Variants in KDM4C observed in about 807,000 individuals in gnomAD.
KDM4C encodes the protein lysine demethylase 4C.
KDM4C carries 81 observed loss-of-function variants against 129.3 expected under a neutral mutation model. The ratio of observed to expected loss-of-function variants is 0.63; its 90% CI spans 0.52 to 0.75. KDM4C has a LOEUF of 0.75. Ranked by LOEUF, KDM4C falls within the 30% of genes least tolerant of loss-of-function variation. The probability of loss-of-function intolerance (pLI) is 0.00; values close to 1 mark genes in which losing one functional copy is unlikely to be tolerated. For missense variants in KDM4C, 1,457 were observed against 1,304.0 expected (o/e 1.12, Z -1.81); for synonymous variants, 573 against 456.1 (o/e 1.26, Z -3.26).
At chr9:6,757,532 C>G (rs1267900835), upstream of KDM4C, 2 of 703,372 alleles carry the variant, frequency 2.8e-6, no homozygotes, top group Non-Finnish European at 1.7e-6. Context: ...GGGAACACAG[C>G]GCTGTCATCG....
upstream of KDM4C, among the ~76,000 whole-genome samples, chr9:6,757,039 T>G (rs1818343757): frequency 6.6e-6 from 1 of 151,982 alleles, no homozygotes; most frequent in Admixed American, 6.6e-5. Flanking sequence ...TGTAGGAAGT[T>G]TAAAAAAAAA....
chr9:6,833,784 A>C (rs944924585), intron 4 of KDM4C, among the ~76,000 whole-genome samples: 1 of 152,220 alleles, frequency 6.6e-6, no homozygotes, highest in Non-Finnish European at 1.5e-5. Flanking sequence ...ATAGTTATTC[A>C]CTAGCTGATT....
intron 1 of KDM4C, among the ~76,000 whole-genome samples, chr9:6,773,871 G>A (rs1165606547): frequency 6.6e-6 from 1 of 151,750 alleles, no homozygotes; most frequent in Non-Finnish European, 1.5e-5. Flanking sequence ...CCATTTTAAG[G>A]GCTTGGATAC....
At chr9:6,965,820 C>G (rs772994781) in intron 8 of KDM4C, among the ~76,000 whole-genome samples, 2 of 152,134 alleles carry the variant, frequency 1.3e-5, no homozygotes, top group Non-Finnish European at 1.5e-5. Context: ...TCACAGTAAT[C>G]GGATTATCCA....
At chr9:6,944,655 T>TTTTG (rs1197101014) in intron 8 of KDM4C, among the ~76,000 whole-genome samples, 6 of 139,278 alleles carry the variant, frequency 4.3e-5, no homozygotes, top group East Asian at 2.1e-4. Flanking sequence ...GGTAGAGGTT[T>TTTTG]TTTTTTTTTT....
chr9:7,061,849 AC>A (rs1364727019), intron 17 of KDM4C, among the ~76,000 whole-genome samples: 1 of 152,164 alleles, frequency 6.6e-6, no homozygotes, highest in African/African-American at 2.4e-5. Context: ...TGGGAAACTA[AC>A]CTCTTGTTCA....
rs750867950 is a variant in KDM4C at position 6,849,560 on chromosome 9, A to G, written c.489A>G (p.Glu163=). The G allele has an allele frequency of 1.2e-6, 2 of 1,613,588 alleles. No individual in the cohort carries two copies. The highest frequency in any genetic ancestry group is 2.2e-5 in the South Asian group (2 of 91,036). The part of the protein sequence containing the change: ...ARLNTVLDVV[E]EECGISIEGV... ...TCAATACAGTCTTGGATGTGGTTGA[A>G]GAAGAGTGTGGCATTTCTATTGAGG... Residue 163 remains glutamate (E), a synonymous_variant, in exon 5 of 22, where the codon GAA becomes GAG. Transcript: ENST00000381309.
intron 9 of KDM4C, 139 bp from the exon 10 acceptor site, chr9:6,984,027 T>G (rs1817241067): frequency 1.7e-6 from 1 of 583,126 alleles, no homozygotes; most frequent in Non-Finnish European, 3.1e-6. Flanking sequence ...CATTCAGTTG[T>G]GAACATTGAC....
chr9:7,110,878 G>A (rs925417485), intron 18 of KDM4C, among the ~76,000 whole-genome samples: 4 of 152,102 alleles, frequency 2.6e-5, no homozygotes, highest in African/African-American at 9.7e-5. Context: ...CAACTATACT[G>A]CTTGCTTTCC....
At chr9:7,016,184 G>T (rs550016115) in intron 15 of KDM4C, among the ~76,000 whole-genome samples, 3 of 151,118 alleles carry the variant, frequency 2.0e-5, no homozygotes, top group African/African-American at 7.3e-5. Context: ...CTAGAGTGCA[G>T]TGGCAAGATC....
rs539447291 is a variant in KDM4C at position 6,990,310 on chromosome 9, A to G, written c.1678-106A>G. On this transcript the variant is annotated intron_variant, in intron 11 of 21. Coordinates refer to ENST00000381309, the MANE Select transcript of KDM4C (RefSeq NM_015061.6). The stretch of plus-strand genomic sequence containing the variant: ...TCCCCAAGAGGTAAACAACCACAAG[A>G]TTTCTTCAACATTAAGTGATAAATA... 2.5e-5 allele frequency: 19 copies of G among 765,798 alleles called. No individual in the cohort carries two copies. In the South Asian group the frequency reaches 2.8e-4, roughly 11 times the overall value. The allele number at this position is 765,798 out of a possible 1,614,324, so 47.4% of individuals were successfully genotyped here. A position where few individuals can be genotyped will look rare whatever the true frequency, so the allele number is the denominator to read the frequency against.
rs1588030649 is a variant in KDM4C at position 6,726,521 on chromosome 9, C to G, written c.49+5524C>G. 1.3e-5 allele frequency: 2 copies of G among 152,298 alleles called. 1 individual carries two copies. Among genetic ancestry groups the G allele is most frequent in the East Asian group, 3.8e-4 (2 of 5,200 alleles). The allele number at this position is 152,298 out of a possible 1,614,324, so 9.4% of individuals were successfully genotyped here. A position where few individuals can be genotyped will look rare whatever the true frequency, so the allele number is the denominator to read the frequency against. ...TTACCAGGGAATGAATGCTTCAAGA[C>G]CACAGTGCTCTCCTGCCTTGGAAAC... On this transcript the variant is annotated intron_variant, in intron 1 of 17. Transcript: ENST00000536108.
intron 8 of KDM4C, among the ~76,000 whole-genome samples, chr9:6,936,067 T>C (rs937597695): frequency 5.9e-5 from 9 of 152,212 alleles, no homozygotes; most frequent in Non-Finnish European, 1.2e-4. Flanking sequence ...GTAACTTATT[T>C]GGCTTTCAAA....
At chr9:6,736,390 T>A (rs1244613675) in intron 1 of KDM4C, among the ~76,000 whole-genome samples, 6 of 152,078 alleles carry the variant, frequency 3.9e-5, no homozygotes, top group Non-Finnish European at 7.4e-5. Flanking sequence ...CCATCACAGG[T>A]CCAGAGGCCT....
chr9:6,790,454 G>A (rs1826336797), intron 1 of KDM4C, among the ~76,000 whole-genome samples: 2 of 148,496 alleles, frequency 1.3e-5, no homozygotes, highest in Admixed American at 6.7e-5. Flanking sequence ...GGGTTTCACC[G>A]TGTTAGCCAG....
At chr9:6,798,127 G>T (rs1256062204) in intron 2 of KDM4C, among the ~76,000 whole-genome samples, 2 of 152,132 alleles carry the variant, frequency 1.3e-5, no homozygotes, top group Non-Finnish European at 2.9e-5. Flanking sequence ...TAATTTAAAT[G>T]AACTTGTACA....
intron 8 of KDM4C, among the ~76,000 whole-genome samples, chr9:6,921,429 G>A (rs1821483821): frequency 6.6e-6 from 1 of 152,118 alleles, no homozygotes. Context: ...TTCTCCAGTT[G>A]CTCAGGCCAA....
chr9:7,098,730 CT>C (rs1284937862), intron 17 of KDM4C, among the ~76,000 whole-genome samples: 1 of 152,144 alleles, frequency 6.6e-6, no homozygotes, highest in African/African-American at 2.4e-5. Context: ...CTCTCTTCTC[CT>C]TCTGAATCTC....
intron 17 of KDM4C, among the ~76,000 whole-genome samples, chr9:7,059,441 C>A (rs931834242): frequency 6.6e-6 from 1 of 152,128 alleles, no homozygotes; most frequent in African/African-American, 2.4e-5. Flanking sequence ...CATGATGTTA[C>A]CAAATTATGC....
Sources: gnomAD v4.1 joint callset for allele counts (sites outside exome capture counted in the v4.1 genomes callset) on GRCh38, gnomAD v4.1.1 for gene constraint, MANE v1.5 for transcripts, NCBI Gene and HGNC (gene_info 2026-07-23, HGNC 2026-07-21) for gene names.